Variants in APBB1IP observed in about 807,000 individuals in gnomAD.
The protein encoded by APBB1IP is amyloid beta precursor protein binding family B member 1 interacting protein.
APBB1IP carries 27 observed loss-of-function variants against 64.9 expected under a neutral mutation model. The observed-to-expected ratio is 0.42, with a 90% CI of 0.31 to 0.57. APBB1IP has a LOEUF of 0.57. APBB1IP is among the 20% of genes least tolerant of loss of function. The pLI, the probability that APBB1IP is intolerant of heterozygous loss-of-function variation, is 0.20. For missense variants in APBB1IP, 812 were observed against 845.5 expected (o/e 0.96, Z 0.49); for synonymous variants, 392 against 331.0 (o/e 1.18, Z -2.00).
chr10:26,466,014 A>G (rs1412650494), intron 2 of APBB1IP, among the ~76,000 whole-genome samples: 1 of 152,236 alleles, frequency 6.6e-6, no homozygotes, highest in Non-Finnish European at 1.5e-5. Context: ...CAGCAGGGCT[A>G]GCTTGTATCA....
chr10:26,560,126 TC>T lies in APBB1IP; in HGVS notation c.1180del (p.Gln394SerfsTer23). On this transcript the variant is annotated frameshift_variant, in exon 12 of 15. Coordinates refer to ENST00000376236, the MANE Select transcript of APBB1IP (RefSeq NM_019043.4). LOFTEE classifies it high-confidence loss of function. ...VLKHPQIQKESQYIKYLCCDD... is the reference protein window; with the variant it reads ...VLKHPQIQKEXQYIKYLCCDD... ...CTAGCACCCCCAAATTCAGAAGGAG[TC>T]CCAGTATATCAAGTATCTCTGCTGT... is the stretch of plus-strand genomic sequence containing the variant. 1 of 1,613,834 alleles carries T rather than the reference TC, an allele frequency of 6.2e-7. No homozygotes were observed. The highest frequency in any genetic ancestry group is 8.5e-7 in the Non-Finnish European group (1 of 1,179,962).
intron 6 of APBB1IP, among the ~76,000 whole-genome samples, chr10:26,504,421 ATAGT>A (rs1219408758): frequency 2.0e-5 from 3 of 152,308 alleles, no homozygotes; most frequent in Non-Finnish European, 2.9e-5. Context: ...AGTGTTAATA[ATAGT>A]TAGGCTGGGC....
chr10:26,467,006 A>C (rs1323937673), intron 2 of APBB1IP, among the ~76,000 whole-genome samples: 3 of 152,150 alleles, frequency 2.0e-5, no homozygotes, highest in Non-Finnish European at 4.4e-5. Context: ...TCCCTAATAC[A>C]TAGCTTAACA....
chr10:26,443,447 C>CAA (rs71281576), intron 2 of APBB1IP, among the ~76,000 whole-genome samples: 51,835 of 137,158 alleles, frequency 0.38, 9,285 homozygotes, highest in South Asian at 0.5. Context: ...AACTCCATCT[C>CAA]AAAAAAAAAA....
intron 11 of APBB1IP, among the ~76,000 whole-genome samples, chr10:26,545,097 C>T (rs1376592254): frequency 6.6e-6 from 1 of 152,212 alleles, no homozygotes; most frequent in Non-Finnish European, 1.5e-5. Context: ...GCATGCTTCT[C>T]AGTTCCCTCC....
At chr10:26,504,201 A>G (rs945520680) in intron 6 of APBB1IP, among the ~76,000 whole-genome samples, 6 of 152,220 alleles carry the variant, frequency 3.9e-5, no homozygotes, top group Admixed American at 3.3e-4. Flanking sequence ...TCCAAGTTAT[A>G]TCCCAGGGTA....
At chr10:26,444,689 A>G (rs1241989070) in intron 2 of APBB1IP, among the ~76,000 whole-genome samples, 5 of 152,220 alleles carry the variant, frequency 3.3e-5, no homozygotes, top group Admixed American at 1.3e-4. Context: ...TGCTTATTAT[A>G]TATAAGGCTA....
At chr10:26,452,626 G>T (rs537184469) in intron 2 of APBB1IP, among the ~76,000 whole-genome samples, 1 of 152,308 alleles carries the variant, frequency 6.6e-6, no homozygotes, top group African/African-American at 2.4e-5. Context: ...GATACTGTAG[G>T]TGTCTGACCT....
chr10:26,495,208 A>G (rs554587023), intron 3 of APBB1IP, among the ~76,000 whole-genome samples: 1 of 151,596 alleles, frequency 6.6e-6, no homozygotes, highest in South Asian at 2.1e-4. Flanking sequence ...GGGTTTCACC[A>G]TGTTGGCCCA....
intron 4 of APBB1IP, 25 bp downstream of exon 4, chr10:26,496,416 A>C: frequency 6.5e-7 from 1 of 1,539,910 alleles, no homozygotes; most frequent in East Asian, 2.3e-5. Flanking sequence ...TTCTTTTCTT[A>C]AGTAATTCAA....
intron 2 of APBB1IP, among the ~76,000 whole-genome samples, chr10:26,446,449 A>C (rs1213744936): frequency 1.3e-5 from 2 of 152,212 alleles, no homozygotes; most frequent in Non-Finnish European, 2.9e-5. Flanking sequence ...TGCTTGGGCC[A>C]TGAATGTCGG....
At chr10:26,504,166 G>A (rs1333189838) in intron 6 of APBB1IP, among the ~76,000 whole-genome samples, 2 of 152,202 alleles carry the variant, frequency 1.3e-5, no homozygotes, top group East Asian at 1.9e-4. Context: ...TGGGGCAGCC[G>A]TCAGCCCTGC....
intron 8 of APBB1IP, among the ~76,000 whole-genome samples, chr10:26,524,763 T>G (rs1836448721): frequency 6.6e-6 from 1 of 152,036 alleles, no homozygotes; most frequent in East Asian, 1.9e-4. Flanking sequence ...TAAGGAGGTC[T>G]GCTGTCTCTT....
intron 8 of APBB1IP, among the ~76,000 whole-genome samples, chr10:26,530,200 A>G (rs942367918): frequency 6.7e-6 from 1 of 148,950 alleles, no homozygotes; most frequent in Non-Finnish European, 1.5e-5. Flanking sequence ...ATTCTCCCCT[A>G]TGGTACTTAA....
chr10:26,565,347 C>T (rs759430882), intron 14 of APBB1IP, among the ~76,000 whole-genome samples: 4 of 152,266 alleles, frequency 2.6e-5, no homozygotes, highest in Admixed American at 6.5e-5. Context: ...TCCTATATGA[C>T]GAGGACTCTG....
chr10:26,511,976 T>C lies in APBB1IP; in HGVS notation c.691+70T>C, dbSNP rs562118558. ...GGGTTTGCTGTATAATGGGCTTGGG[T>C]TTATTCTTTTTTTCTCTTTAATTTT... On this transcript the variant is annotated intron_variant, in intron 7 of 14. Transcript: ENST00000376236. The C allele has an allele frequency of 3.8e-4, 564 of 1,501,022 alleles. 1 individual carries two copies. Among genetic ancestry groups the C allele is most frequent in the South Asian group, 5.1e-4 (42 of 81,946 alleles). 93.0% of individuals were successfully genotyped at this position (1,501,022 alleles called of 1,614,324 possible). A position where few individuals can be genotyped will look rare whatever the true frequency, so the allele number is the denominator to read the frequency against.
chr10:26,489,328 T>G (rs1186999152), intron 2 of APBB1IP, among the ~76,000 whole-genome samples: 3 of 152,184 alleles, frequency 2.0e-5, no homozygotes, highest in African/African-American at 7.2e-5. Context: ...TCAGTCCTGT[T>G]TGGCGAGGGT....
rs199822653 is a variant in APBB1IP at position 26,567,500 on chromosome 10, A to G, written c.*12A>G. The stretch of plus-strand genomic sequence containing the variant: ...GCAACGTGTCCTAGGGACGGGCATG[A>G]TGAGTGTTCCAGAGGGAGAAGCATC... On this transcript the variant is annotated 3_prime_UTR_variant, in exon 15 of 15. Transcript: ENST00000376236. The G allele has an allele frequency of 2.3e-5, 36 of 1,552,978 alleles. No homozygotes were observed. The East Asian group carries it at 8.6e-4, about 37-fold the overall frequency.
intron 8 of APBB1IP, among the ~76,000 whole-genome samples, chr10:26,519,159 G>C (rs1836370797): frequency 6.7e-6 from 1 of 148,304 alleles, no homozygotes; most frequent in Admixed American, 6.7e-5. Context: ...GGTGGGGTGG[G>C]GGGCATCTGT....
Sources: allele counts gnomAD v4.1 joint callset (sites outside exome capture counted in the v4.1 genomes callset), GRCh38; gene constraint gnomAD v4.1.1; transcripts MANE v1.5; gene names NCBI Gene and HGNC (gene_info 2026-07-23, HGNC 2026-07-21).